Variants in ZNRF2 observed in about 807,000 individuals in gnomAD.
ZNRF2 encodes zinc and ring finger 2.
ZNRF2 carries 16 observed loss-of-function variants against 20.4 expected under a neutral mutation model. That is an observed-to-expected ratio of 0.79 (90% CI 0.53 to 1.19). ZNRF2 has a LOEUF of 1.19. Ranked by LOEUF, ZNRF2 falls within the 50% of genes most tolerant of loss-of-function variation. The probability of loss-of-function intolerance (pLI) is 0.00; values close to 1 mark genes in which losing one functional copy is unlikely to be tolerated. For missense variants in ZNRF2, 363 were observed against 332.4 expected (o/e 1.09, Z -0.72); for synonymous variants, 178 against 144.9 (o/e 1.23, Z -1.64).
chr7:30,307,854 T>C (rs1286140345), intron 1 of ZNRF2, among the ~76,000 whole-genome samples: 1 of 152,186 alleles, frequency 6.6e-6, no homozygotes, highest in Non-Finnish European at 1.5e-5. Context: ...TAGTAGACTT[T>C]GGAAAGCCAC....
chr7:30,315,198 C>G (rs2128061095), intron 1 of ZNRF2, among the ~76,000 whole-genome samples: 1 of 152,214 alleles, frequency 6.6e-6, no homozygotes, highest in South Asian at 2.1e-4. Context: ...AGTGTCTGTT[C>G]TTATCTTAGC....
chr7:30,300,106 T>G (rs574822077), intron 1 of ZNRF2, among the ~76,000 whole-genome samples: 3 of 148,934 alleles, frequency 2.0e-5, no homozygotes, highest in African/African-American at 7.4e-5. Flanking sequence ...CTCCATAACA[T>G]ATATTTAGAG....
chr7:30,296,125 A>C (rs1278809678), intron 1 of ZNRF2, among the ~76,000 whole-genome samples: 1 of 152,244 alleles, frequency 6.6e-6, no homozygotes, highest in Non-Finnish European at 1.5e-5. Context: ...ATTATTATCA[A>C]AATTATTGTC....
intron 2 of ZNRF2, among the ~76,000 whole-genome samples, chr7:30,341,595 T>C (rs1562617930): frequency 6.6e-6 from 1 of 152,340 alleles, no homozygotes; most frequent in South Asian, 2.1e-4. Flanking sequence ...CTGTTTGTTA[T>C]GATTTCCATT....
Position 30,307,455 on chromosome 7 carries a change from A to T in ZNRF2, c.470-16187A>T, listed in dbSNP as rs190357773. Among the ~76,000 whole-genome samples, 1,189 of 149,172 alleles carry T rather than the reference A, an allele frequency of 8.0e-3. 15 individuals carry two copies. The highest frequency in any genetic ancestry group is 0.012 in the Non-Finnish European group (808 of 67,660). ...ATTTGGAATCCTCCCAAATTTTGCC[A>T]GGTAGATCTCTGTAAGATGTTTGTT... is the stretch of plus-strand genomic sequence containing the variant. On this transcript the variant is annotated intron_variant, in intron 1 of 4. Coordinates refer to ENST00000323037, the MANE Select transcript of ZNRF2 (RefSeq NM_147128.4).
intron 1 of ZNRF2, among the ~76,000 whole-genome samples, chr7:30,318,561 G>T (rs1392823971): frequency 6.6e-6 from 1 of 152,066 alleles, no homozygotes; most frequent in Non-Finnish European, 1.5e-5. Flanking sequence ...TATTTTTCCT[G>T]CCAATTGGTG....
At chr7:30,362,325 TATAA>T (rs1307596511) in intron 3 of ZNRF2, 48 bp from the exon 4 acceptor site, 8 of 1,230,558 alleles carry the variant, frequency 6.5e-6, no homozygotes, top group African/African-American at 1.5e-5. Flanking sequence ...GCTCTCATTA[TATAA>T]ATAATTAGTA....
chr7:30,300,521 C>T (rs1289905288), intron 1 of ZNRF2, among the ~76,000 whole-genome samples: 1 of 152,242 alleles, frequency 6.6e-6, no homozygotes, highest in Middle Eastern at 3.4e-3. Context: ...AAAAGATAGA[C>T]TTAATTAGAA....
chr7:30,328,494 C>T (rs1799586312), intron 2 of ZNRF2, among the ~76,000 whole-genome samples: 1 of 152,086 alleles, frequency 6.6e-6, no homozygotes, highest in African/African-American at 2.4e-5. Context: ...TGTTAACTGT[C>T]TATAAACATT....
chr7:30,290,067 G>A (rs1256676516), intron 1 of ZNRF2, among the ~76,000 whole-genome samples: 5 of 152,060 alleles, frequency 3.3e-5, no homozygotes, highest in African/African-American at 1.2e-4. Flanking sequence ...GGGTATATTG[G>A]CAAATGTGTT....
chr7:30,337,941 A>G (rs1562616966), intron 2 of ZNRF2, among the ~76,000 whole-genome samples: 1 of 152,162 alleles, frequency 6.6e-6, no homozygotes, highest in East Asian at 1.9e-4. Context: ...TATTTAATGT[A>G]TATGCAAAGA....
chr7:30,359,927 TATTA>T (rs1800100937), intron 3 of ZNRF2, among the ~76,000 whole-genome samples: 2 of 152,218 alleles, frequency 1.3e-5, no homozygotes, highest in South Asian at 4.1e-4. Context: ...AAAGCCTGTA[TATTA>T]TAACTGAAAT....
In ZNRF2 at chr7:30,355,760, G is replaced by A. The variant is rs1470187292; in HGVS notation, c.598G>A (p.Ala200Thr). 6.2e-7 allele frequency: 1 copy of A among 1,613,574 alleles called. No individual in the cohort carries two copies. The highest frequency in any genetic ancestry group is 8.5e-7 in the Non-Finnish European group (1 of 1,179,690). The stretch of plus-strand genomic sequence containing the variant: ...ACTGAGTAAAGATGCTGGGGAATGT[G>A]CAATATGCCTTGAAGAATTGCAGCA... ...DVLSKDAGEC[A>T]ICLEELQQGD... Residue 200 changes from alanine to threonine, a missense_variant, in exon 3 of 5, where the codon GCA becomes ACA. This residue lies in a region of ZNRF2 where 61 missense variants were observed against 100.9 expected (regional missense o/e 0.60). Transcript: ENST00000323037.
chr7:30,299,375 C>T (rs1010301570), intron 1 of ZNRF2, among the ~76,000 whole-genome samples: 9 of 150,922 alleles, frequency 6.0e-5, no homozygotes, highest in South Asian at 2.1e-4. Context: ...GTTGAAATCG[C>T]GCCATGGCAC....
At chr7:30,310,712 C>T (rs9639614) in intron 1 of ZNRF2, among the ~76,000 whole-genome samples, 4,563 of 152,208 alleles carry the variant, frequency 0.03, 169 homozygotes, top group African/African-American at 0.088. Context: ...GTGGGGTAAA[C>T]GCACCTGATA....
intron 1 of ZNRF2, among the ~76,000 whole-genome samples, chr7:30,322,711 C>T (rs1369818981): frequency 6.6e-6 from 1 of 151,848 alleles, no homozygotes; most frequent in East Asian, 1.9e-4. Flanking sequence ...TTTTGTTCCA[C>T]TTCTGATTTG....
intron 2 of ZNRF2, 40 bp from the exon 3 acceptor site, chr7:30,355,688 G>A (rs773868603): frequency 6.6e-7 from 1 of 1,512,994 alleles, no homozygotes; most frequent in Non-Finnish European, 9.1e-7. Flanking sequence ...CAATTTGATG[G>A]ATAATTTTAT....
At chr7:30,309,772 A>C (rs953169878) in intron 1 of ZNRF2, among the ~76,000 whole-genome samples, 1 of 152,170 alleles carries the variant, frequency 6.6e-6, no homozygotes, top group Non-Finnish European at 1.5e-5. Context: ...TTAAATGCTA[A>C]ATTTTGCTGA....
At chr7:30,333,861 G>T (rs1353370560) in intron 2 of ZNRF2, among the ~76,000 whole-genome samples, 1 of 152,030 alleles carries the variant, frequency 6.6e-6, no homozygotes, top group East Asian at 1.9e-4. Flanking sequence ...GGTTTTGCTT[G>T]TTGATTCAAG....
Sources: gnomAD v4.1 joint callset for allele counts (sites outside exome capture counted in the v4.1 genomes callset) on GRCh38, gnomAD v4.1.1 for gene constraint, gnomAD v4.1.1 regional missense constraint, MANE v1.5 for transcripts, NCBI Gene and HGNC (gene_info 2026-07-23, HGNC 2026-07-21) for gene names.